TBC1D7: variants seen among roughly 807,000 people sequenced by gnomAD.
TBC1D7 encodes TBC1 domain family member 7.
In TBC1D7, 33 loss-of-function variants were observed where a neutral mutation model predicts 35.3. That is an observed-to-expected ratio of 0.93 (90% CI 0.71 to 1.25). The LOEUF (loss-of-function observed/expected upper bound fraction) is 1.25. Ranked by LOEUF, TBC1D7 falls within the 50% of genes most tolerant of loss-of-function variation. TBC1D7 has a pLI of 0.00. For synonymous variants in TBC1D7, 135 were observed against 129.5 expected, an observed-to-expected ratio of 1.04 and a Z score of -0.29; for missense variants, 362 against 365.3, an observed-to-expected ratio of 0.99 and a Z score of 0.07.
chr6:13,310,838 G>A (rs755534936), intron 5 of TBC1D7, among the ~76,000 whole-genome samples: 23 of 152,040 alleles, frequency 1.5e-4, no homozygotes, highest in Non-Finnish European at 2.8e-4. Context: ...AAATACATAT[G>A]TGTATATATA....
intron 5 of TBC1D7, among the ~76,000 whole-genome samples, 178 bp downstream of exon 5, chr6:13,316,393 C>G (rs1367335380): frequency 2.0e-5 from 3 of 152,180 alleles, no homozygotes; most frequent in Non-Finnish European, 4.4e-5. Flanking sequence ...TAGAGACCAT[C>G]TGGCCCACCA....
At chr6:13,315,479 C>T (rs1783537251) in intron 5 of TBC1D7, among the ~76,000 whole-genome samples, 1 of 152,032 alleles carries the variant, frequency 6.6e-6, no homozygotes, top group South Asian at 2.1e-4. Flanking sequence ...TTTGGGAGGC[C>T]AAGGTGGGCG....
chr6:13,314,067 A>T (rs142573469), intron 5 of TBC1D7, among the ~76,000 whole-genome samples: 60 of 152,106 alleles, frequency 3.9e-4, no homozygotes, highest in African/African-American at 1.4e-3. Context: ...AAATACAAAA[A>T]ATTAGCTGGG....
chr6:13,305,188 C>T lies in TBC1D7; in HGVS notation c.796-1G>A, dbSNP rs1165436302. The T allele has an allele frequency of 1.2e-6, 2 of 1,614,058 alleles. No homozygotes were observed. The highest frequency in any genetic ancestry group is 2.7e-5 in the African/African-American group (2 of 74,936). ...TCGCGTCTGAGCTGTCCTGGGGAATCTGTGGGCAAGCAAATCAGTCTTTGT... is the reference window on the plus strand; with the variant it reads ...TCGCGTCTGAGCTGTCCTGGGGAATTTGTGGGCAAGCAAATCAGTCTTTGT... On this transcript the variant is annotated splice_acceptor_variant, in intron 7 of 7. Coordinates refer to ENST00000379300, the MANE Select transcript of TBC1D7 (RefSeq NM_016495.6). LOFTEE classifies it high-confidence loss of function.
chr6:13,326,048 G>A (rs1265067168), intron 2 of TBC1D7, among the ~76,000 whole-genome samples: 1 of 152,214 alleles, frequency 6.6e-6, no homozygotes, highest in East Asian at 1.9e-4. Context: ...AGTACTCTAT[G>A]CAAATAAAGT....
At chr6:13,317,561 T>C (rs1186742279) in intron 4 of TBC1D7, among the ~76,000 whole-genome samples, 1 of 152,238 alleles carries the variant, frequency 6.6e-6, no homozygotes, top group African/African-American at 2.4e-5. Flanking sequence ...TAATATTCTA[T>C]AAAATGTCAA....
chr6:13,312,977 T>C (rs1471852112), intron 5 of TBC1D7, among the ~76,000 whole-genome samples: 2 of 152,128 alleles, frequency 1.3e-5, no homozygotes, highest in African/African-American at 2.4e-5. Context: ...GATAGTTGTG[T>C]CTGTATTGAA....
chr6:13,321,037 C>G lies in TBC1D7; in HGVS notation c.252G>C (p.Gln84His). The G allele has an allele frequency of 6.2e-7, 1 of 1,614,162 alleles. No homozygotes were observed. Among genetic ancestry groups the G allele is most frequent in the Non-Finnish European group, 8.5e-7 (1 of 1,179,980 alleles). Residue 84 changes from glutamine (Q) to histidine (H), a missense_variant, in exon 4 of 8, where the codon CAG becomes CAC. By Grantham distance (24) the Gln-to-His change is conservative. Coordinates refer to ENST00000379300, the MANE Select transcript of TBC1D7 (RefSeq NM_016495.6). ...TCAGGGCATGAAGGACATCCAAGTA[C>G]TGCTCCTTACGATACATCATCACCT... Reference protein sequence around the residue: ...HAKVMMYRKEQYLDVLHALKV... With the variant: ...HAKVMMYRKEHYLDVLHALKV...
intron 4 of TBC1D7, chr6:13,320,654 T>C (rs1360675246): frequency 3.5e-5 from 22 of 631,098 alleles, no homozygotes; most frequent in Non-Finnish European, 6.2e-5. Flanking sequence ...ATGCAAATTC[T>C]TGGTAGTATT....
intron 5 of TBC1D7, among the ~76,000 whole-genome samples, chr6:13,308,222 G>C (rs1299954782): frequency 1.3e-5 from 2 of 152,158 alleles, no homozygotes; most frequent in Non-Finnish European, 2.9e-5. Context: ...GAGGGCATTA[G>C]GAAGAGTAAG....
At chr6:13,316,492 A>T in intron 5 of TBC1D7, 79 bp downstream of exon 5, 2 of 1,453,226 alleles carry the variant, frequency 1.4e-6, no homozygotes, top group Non-Finnish European at 9.4e-7. Flanking sequence ...CAGCAGCCCC[A>T]GGAGGTAAGA....
chr6:13,305,797 T>C (rs1782767605), intron 7 of TBC1D7: 1 of 168,070 alleles, frequency 5.9e-6, no homozygotes, highest in Admixed American at 5.6e-5. Flanking sequence ...AGCAATATAC[T>C]AGGTTAATAC....
intron 5 of TBC1D7, among the ~76,000 whole-genome samples, chr6:13,310,637 C>CAAAAAAAAAAAAAAAA (rs546122443): frequency 4.7e-4 from 34 of 72,896 alleles, no homozygotes; most frequent in South Asian, 1.7e-3. Context: ...GACTCCGTCT[C>CAAAAAAAAAAAAAAAA]AAAAAAAAAA....
intron 4 of TBC1D7, 200 bp downstream of exon 4, chr6:13,320,708 G>A (rs181183587): frequency 1.2e-5 from 8 of 681,832 alleles, no homozygotes; most frequent in Admixed American, 6.9e-5. Flanking sequence ...AAAATAAAAC[G>A]TATTTTAAAA....
At chr6:13,325,233 G>T in intron 2 of TBC1D7, 59 bp from the exon 3 acceptor site, 1 of 1,247,804 alleles carries the variant, frequency 8.0e-7, no homozygotes, top group Non-Finnish European at 1.2e-6. Flanking sequence ...GTATGTCAAG[G>T]CACATTTCAT....
Position 13,313,612 on chromosome 6 carries a change from T to G in TBC1D7, c.519+2959A>C, listed in dbSNP as rs2439545. Among the ~76,000 whole-genome samples, 695 of 152,204 alleles carry G rather than the reference T, an allele frequency of 4.6e-3. 8 individuals carry two copies. The highest frequency in any genetic ancestry group is 0.016 in the African/African-American group (648 of 41,532). Reference sequence around the variant, plus strand: ...AGGGCATGCTTACTCTCAGTATGGATCTCTTAGGTTTAAATAGAGCAAATT... The same window carrying G: ...AGGGCATGCTTACTCTCAGTATGGAGCTCTTAGGTTTAAATAGAGCAAATT... On this transcript the variant is annotated intron_variant, in intron 5 of 7. Coordinates refer to ENST00000379300, the MANE Select transcript of TBC1D7 (RefSeq NM_016495.6).
intron 7 of TBC1D7, chr6:13,306,113 G>C (rs1438704975): frequency 4.2e-6 from 1 of 237,280 alleles, no homozygotes; most frequent in Non-Finnish European, 8.1e-6. Flanking sequence ...TTCTTATAAT[G>C]TAAAAATACA....
rs150101496 is a variant in TBC1D7 at position 13,325,687 on chromosome 6, T to C, written c.113-513A>G. Among the ~76,000 whole-genome samples the C allele has an allele frequency of 1.1e-3, 163 of 152,254 alleles. 1 individual carries two copies. The highest frequency in any genetic ancestry group is 3.8e-3 in the African/African-American group (156 of 41,548). On this transcript the variant is annotated intron_variant, in intron 2 of 7. Transcript: ENST00000379300. Reference sequence around the variant, plus strand: ...AAAATAATAATAAAAATAAAAACAATTTGCATTTTACAGCATTGGAGATGC... The same window carrying C: ...AAAATAATAATAAAAATAAAAACAACTTGCATTTTACAGCATTGGAGATGC...
At chr6:13,315,931 T>A (rs1369808533) in intron 5 of TBC1D7, among the ~76,000 whole-genome samples, 2 of 152,214 alleles carry the variant, frequency 1.3e-5, no homozygotes, top group South Asian at 2.1e-4. Flanking sequence ...AGGGAAAGCC[T>A]AATGGGCCAC....
Sources: gnomAD v4.1 joint callset for allele counts (sites outside exome capture counted in the v4.1 genomes callset) on GRCh38, gnomAD v4.1.1 for gene constraint, MANE v1.5 for transcripts, NCBI Gene and HGNC (gene_info 2026-07-23, HGNC 2026-07-21) for gene names.